Variants in INTS10 observed in about 807,000 individuals in gnomAD.
INTS10 encodes chromosome 8 open reading frame 35.
Under a neutral mutation model 94.4 loss-of-function variants are expected in INTS10, and 44 were observed. The observed-to-expected ratio is 0.47, with a 90% CI of 0.37 to 0.60. The LOEUF is 0.60. INTS10 is among the 20% of genes least tolerant of loss of function. The pLI, the probability that INTS10 is intolerant of heterozygous loss-of-function variation, is 0.00. For missense variants in INTS10, 797 were observed against 868.7 expected, an observed-to-expected ratio of 0.92 and a Z score of 1.04; for synonymous variants, 341 against 320.7, an observed-to-expected ratio of 1.06 and a Z score of -0.68.
In INTS10 at chr8:19,833,257, C is replaced by T. The variant is rs375525763; in HGVS notation, c.1466C>T (p.Thr489Ile). The T allele has an allele frequency of 1.2e-6, 2 of 1,612,940 alleles. No homozygotes were observed. Among genetic ancestry groups the T allele is most frequent in the Non-Finnish European group, 1.7e-6 (2 of 1,179,456 alleles). ...ISQPQITGQG[T>I]LEHQRALIQL... ...CAGCCACAGATCACAGGGCAGGGGA[C>T]CCTGGAGCATCAGAGGGCGCTCATC... Residue 489 changes from threonine to isoleucine, a missense_variant, in exon 12 of 17, where the codon ACC (threonine) becomes ATC (isoleucine). By Grantham distance (89) the Thr-to-Ile change is moderately conservative. Transcript: ENST00000397977.
chr8:19,831,593 G>A lies in INTS10; in HGVS notation c.1295-435G>A, dbSNP rs542211030. ...TAGTGCCAGCTATTCAGGAAGCTGA[G>A]GTAGGAGGACTGCTTGAGGCCGGAA... On this transcript the variant is annotated intron_variant, in intron 10 of 16. Transcript: ENST00000397977. Among the ~76,000 whole-genome samples the A allele has an allele frequency of 2.6e-5, 4 of 152,282 alleles. No individual in the cohort carries two copies. The South Asian group carries it at 8.3e-4, about 32-fold the overall frequency.
intron 2 of INTS10, 29 bp downstream of exon 2, chr8:19,818,371 C>A: frequency 6.2e-7 from 1 of 1,605,086 alleles, no homozygotes; most frequent in Non-Finnish European, 8.5e-7. Flanking sequence ...ATCACTTTTA[C>A]TGCACTGAAT....
At chr8:19,845,470 G>A in intron 15 of INTS10, 1 of 533,270 alleles carries the variant, frequency 1.9e-6, no homozygotes. Flanking sequence ...GTGGGTATAA[G>A]AATCAGGTTT....
At chr8:19,819,190 A>T (rs1352815690) in intron 2 of INTS10, among the ~76,000 whole-genome samples, 3 of 151,752 alleles carry the variant, frequency 2.0e-5, no homozygotes, top group East Asian at 3.8e-4. Flanking sequence ...TTGCTATTTT[A>T]AAAAAAAATT....
chr8:19,846,433 C>CA lies in INTS10; in HGVS notation c.1976+647dup, dbSNP rs71205949. ...GGGCAACAAGAGTGAAACTCCATCT[C>CA]AAAAAAAAAAACAAACAAACAAAAC... On this transcript the variant is annotated intron_variant, in intron 16 of 16. Transcript: ENST00000397977. This position sits in a 1 kb window ranked among gnomAD's most constrained non-coding sequence, Gnocchi z 4.2. Among the ~76,000 whole-genome samples the CA allele has an allele frequency of 6.1e-5, 9 of 147,772 alleles. No homozygotes were observed. The highest frequency in any genetic ancestry group is 3.9e-4 in the East Asian group (2 of 5,068).
Position 19,826,578 on chromosome 8 carries a change from C to T in INTS10, c.1140+19C>T. ...AACCATGGTAAGGCTTTCAAATATA[C>T]TTATTAACAGATTGGATGGGACGCT... On this transcript the variant is annotated intron_variant, in intron 9 of 16. Coordinates refer to ENST00000397977, the MANE Select transcript of INTS10 (RefSeq NM_018142.4). 2 of 1,601,232 alleles carry T rather than the reference C, an allele frequency of 1.2e-6. No homozygotes were observed. The highest frequency in any genetic ancestry group is 1.7e-6 in the Non-Finnish European group (2 of 1,175,378).
intron 8 of INTS10, among the ~76,000 whole-genome samples, chr8:19,825,249 G>C (rs1433538399): frequency 1.3e-5 from 2 of 152,174 alleles, no homozygotes; most frequent in African/African-American, 4.8e-5. Flanking sequence ...ACAGCAGGCT[G>C]GGCGCTGTGG....
chr8:19,851,809 G>C lies in INTS10; in HGVS notation c.*4G>C. On this transcript the variant is annotated 3_prime_UTR_variant, in exon 17 of 17. Coordinates refer to ENST00000397977, the MANE Select transcript of INTS10 (RefSeq NM_018142.4). The surrounding 1 kb of genome is among the most constrained non-coding windows in gnomAD (Gnocchi z 5.0). The stretch of plus-strand genomic sequence containing the variant: ...GCTCCTTCAGACTCTGACCTGAGTG[G>C]AGACCTTTCCACCAGACACAGCTCG... The C allele has an allele frequency of 6.2e-7, 1 of 1,613,820 alleles. No homozygotes were observed.
At position 19,819,643 on chromosome 8, in the gene INTS10, G is replaced by A. The variant is rs528457095; in HGVS notation, c.268G>A (p.Asp90Asn). ...ISIITSALRN[D>N]SQDKQTQFLR... ...CATTATTACATCAGCATTAAGGAAC[G>A]ATTCACAGGACAAACAAACCCAATT... The change falls in exon 3 of 17, where the codon GAT becomes AAT. Residue 90 changes from aspartate to asparagine, a missense_variant. Around this residue, in one of 3 missense-constraint regions of INTS10, gnomAD observed 734 missense variants for 787.8 expected, o/e 0.93. Coordinates refer to ENST00000397977, the MANE Select transcript of INTS10 (RefSeq NM_018142.4). 63 of 1,613,472 alleles carry A rather than the reference G, an allele frequency of 3.9e-5. 1 individual carries two copies. The South Asian group carries it at 6.5e-4, about 17-fold the overall frequency.
rs1328859972 is a variant in INTS10, at chr8:19,846,262, A to G, written c.1976+465A>G. Reference sequence around the variant, plus strand: ...CATGGTGAAACCCCGTCTCTACTAAAAATACAAAAAAAAAAAAAAAATTAT... The same window carrying G: ...CATGGTGAAACCCCGTCTCTACTAAGAATACAAAAAAAAAAAAAAAATTAT... On this transcript the variant is annotated intron_variant, in intron 16 of 16. Coordinates refer to ENST00000397977, the MANE Select transcript of INTS10 (RefSeq NM_018142.4). The surrounding 1 kb of genome is among the most constrained non-coding windows in gnomAD (Gnocchi z 4.2). Among the ~76,000 whole-genome samples the G allele has an allele frequency of 6.6e-6, 1 of 151,600 alleles. No homozygotes were observed. The highest frequency in any genetic ancestry group is 6.6e-5 in the Admixed American group (1 of 15,224).
At chr8:19,834,728 G>A (rs1435068882) in intron 12 of INTS10, among the ~76,000 whole-genome samples, 1 of 152,090 alleles carries the variant, frequency 6.6e-6, no homozygotes, top group Non-Finnish European at 1.5e-5. Flanking sequence ...ATGTCCAGAT[G>A]TAAGTGTCCT....
chr8:19,834,459 C>A (rs1275865402), intron 12 of INTS10, among the ~76,000 whole-genome samples: 2 of 152,118 alleles, frequency 1.3e-5, no homozygotes, highest in Non-Finnish European at 2.9e-5. Context: ...TTAATTAATT[C>A]CTTTTAAGAA....
intron 14 of INTS10, 53 bp from the exon 15 acceptor site, chr8:19,844,023 A>T: frequency 7.0e-7 from 1 of 1,438,380 alleles, no homozygotes; most frequent in East Asian, 2.3e-5. Flanking sequence ...TGTATTTCAG[A>T]TTACCCTGTG....
intron 12 of INTS10, among the ~76,000 whole-genome samples, chr8:19,835,448 A>G (rs2067575979): frequency 6.6e-6 from 1 of 152,226 alleles, no homozygotes; most frequent in Non-Finnish European, 1.5e-5. Context: ...AAGTGTTTGT[A>G]TAAGACAATG....
intron 12 of INTS10, among the ~76,000 whole-genome samples, chr8:19,836,466 C>T (rs1161835561): frequency 6.6e-6 from 1 of 152,200 alleles, no homozygotes; most frequent in East Asian, 1.9e-4. Flanking sequence ...AAACCGCTGG[C>T]CCTCAAGTAA....
chr8:19,844,490 G>C (rs4268139), intron 15 of INTS10, among the ~76,000 whole-genome samples: 129,413 of 152,214 alleles, frequency 0.85, 55,341 homozygotes, highest in African/African-American at 0.94. Context: ...AAGAAGGTAC[G>C]CAAAATGCCT....
At position 19,822,447 on chromosome 8, in the gene INTS10, T is replaced by A. The variant is rs370350194; in HGVS notation, c.450T>A (p.Leu150=). The change falls in exon 5 of 17, where the codon CTT becomes CTA. Residue 150 remains leucine (L), a synonymous_variant. Coordinates refer to ENST00000397977, the MANE Select transcript of INTS10 (RefSeq NM_018142.4). ...PETVVQHGVG[L]GEALLEAETI... is the part of the protein sequence containing the mutation. ...ATTTTGTTTTGAAATAGGTTGGCCT[T>A]GGGGAGGCACTATTAGAGGCTGAAA... The A allele has an allele frequency of 5.6e-6, 9 of 1,606,728 alleles. No individual in the cohort carries two copies. The highest frequency in any genetic ancestry group is 7.7e-6 in the Non-Finnish European group (9 of 1,173,494).
At chr8:19,820,185 A>AG (rs2066261401) in intron 3 of INTS10, among the ~76,000 whole-genome samples, 194 bp from the exon 4 acceptor site, 1 of 86,448 alleles carries the variant, frequency 1.2e-5, no homozygotes, top group African/African-American at 7.1e-5. Context: ...CAAATATTTT[A>AG]CCATTATTCA....
chr8:19,851,895 C>A lies in INTS10; in HGVS notation c.*90C>A. Reference sequence around the variant, plus strand: ...GATTGCCATGGCACAGAGCCGTGGTCATTGTTGCTGTTACAAAGAAGAAAA... The same window carrying A: ...GATTGCCATGGCACAGAGCCGTGGTAATTGTTGCTGTTACAAAGAAGAAAA... On this transcript the variant is annotated 3_prime_UTR_variant, in exon 17 of 17. Transcript: ENST00000397977. The surrounding 1 kb of genome is among the most constrained non-coding windows in gnomAD (Gnocchi z 5.0). The A allele has an allele frequency of 8.6e-7, 1 of 1,168,044 alleles. No individual in the cohort carries two copies. Among genetic ancestry groups the A allele is most frequent in the Non-Finnish European group, 1.2e-6 (1 of 809,682 alleles). 72.4% of individuals were successfully genotyped at this position (1,168,044 alleles called of 1,614,324 possible).
Sources: gnomAD v4.1 joint callset for allele counts (sites outside exome capture counted in the v4.1 genomes callset) on GRCh38, gnomAD v4.1.1 for gene constraint, gnomAD v4.1.1 regional missense constraint, Gnocchi (gnomAD v3.1) non-coding constraint, MANE v1.5 for transcripts, NCBI Gene and HGNC (gene_info 2026-07-23, HGNC 2026-07-21) for gene names.